DOCK4: variants seen among roughly 807,000 people sequenced by gnomAD.
DOCK4 encodes the protein dedicator of cytokinesis 4, also known as dedicator of cytokinesis protein 4.
DOCK4 carries 97 observed loss-of-function variants against 268.1 expected under a neutral mutation model. The observed-to-expected ratio is 0.36, with a 90% confidence interval of 0.31 to 0.43. The LOEUF is 0.43. Ranked by LOEUF, DOCK4 falls within the 20% of genes least tolerant of loss-of-function variation. The pLI is 1.00. For missense variants in DOCK4, 2,145 were observed against 2,455.7 expected (o/e 0.87, Z 2.67); for synonymous variants, 954 against 887.2 (o/e 1.08, Z -1.34).
chr7:111,743,243 T>C (rs567067798), intron 44 of DOCK4, among the ~76,000 whole-genome samples: 1 of 152,288 alleles, frequency 6.6e-6, no homozygotes, highest in South Asian at 2.1e-4. Flanking sequence ...ACAAATTCCA[T>C]AGACTGGGAG....
At position 111,961,475 on chromosome 7, in the gene DOCK4, C is replaced by G. The variant is rs532798711; in HGVS notation, c.701+15657G>C. 3.9e-5 allele frequency among the ~76,000 whole-genome samples: 6 copies of G among 152,314 alleles called. No homozygotes were observed. In the East Asian group the frequency reaches 1.2e-3, roughly 29 times the overall value. ...TGAATGGGTAGAGGTGATGTGCATT[C>G]TTACAACTGGAATTCCCTCACCTTT... is the stretch of plus-strand genomic sequence containing the variant. On this transcript the variant is annotated intron_variant, in intron 8 of 52. Coordinates refer to ENST00000428084, the MANE Select transcript of DOCK4 (RefSeq NM_001363540.2).
At chr7:111,826,213 A>C (rs1436992241) in intron 26 of DOCK4, among the ~76,000 whole-genome samples, 2 of 152,244 alleles carry the variant, frequency 1.3e-5, no homozygotes, top group Non-Finnish European at 2.9e-5. Flanking sequence ...CAACACCTGT[A>C]GGCCTCAGAA....
intron 1 of DOCK4, among the ~76,000 whole-genome samples, chr7:112,120,365 T>A (rs1320336456): frequency 1.3e-5 from 2 of 152,204 alleles, no homozygotes; most frequent in African/African-American, 4.8e-5. Flanking sequence ...AATAATGTTG[T>A]AATGCCATGA....
intron 1 of DOCK4, among the ~76,000 whole-genome samples, chr7:112,044,676 C>G (rs373014600): frequency 6.6e-6 from 1 of 152,144 alleles, no homozygotes; most frequent in Admixed American, 6.5e-5. Flanking sequence ...GATCCCACCA[C>G]GTTCTTACTC....
At chr7:111,830,891 T>C (rs1720470083) in intron 26 of DOCK4, among the ~76,000 whole-genome samples, 1 of 152,050 alleles carries the variant, frequency 6.6e-6, no homozygotes, top group South Asian at 2.1e-4. Flanking sequence ...TAGGGAACCT[T>C]TCATGATGGT....
intron 1 of DOCK4, among the ~76,000 whole-genome samples, chr7:112,080,227 T>C (rs1482258158): frequency 6.6e-6 from 1 of 152,162 alleles, no homozygotes; most frequent in East Asian, 1.9e-4. Context: ...TTAGATTAAA[T>C]AATGAATGAG....
At chr7:112,126,996 G>T (rs1481440187) in intron 1 of DOCK4, among the ~76,000 whole-genome samples, 1 of 152,122 alleles carries the variant, frequency 6.6e-6, no homozygotes, top group Non-Finnish European at 1.5e-5. Flanking sequence ...GTGGAAGTCA[G>T]TGTGGCCACT....
chr7:111,912,571 T>C (rs1046697179), intron 13 of DOCK4, among the ~76,000 whole-genome samples: 1 of 151,664 alleles, frequency 6.6e-6, no homozygotes, highest in Non-Finnish European at 1.5e-5. Context: ...CTTAGTCCTA[T>C]TCTGAGGAGG....
intron 36 of DOCK4, among the ~76,000 whole-genome samples, chr7:111,772,616 T>C (rs546358456): frequency 2.0e-3 from 309 of 152,088 alleles, no homozygotes; most frequent in Non-Finnish European, 3.5e-3. Context: ...GCTGACATAG[T>C]GAAACCCTGT....
chr7:112,004,908 G>A (rs541788670), intron 1 of DOCK4, among the ~76,000 whole-genome samples: 1 of 152,298 alleles, frequency 6.6e-6, no homozygotes, highest in East Asian at 1.9e-4. Flanking sequence ...TCCATACGGA[G>A]AAAGTACGCA....
intron 35 of DOCK4, among the ~76,000 whole-genome samples, chr7:111,780,117 G>A (rs1359638272): frequency 1.3e-5 from 2 of 152,290 alleles, no homozygotes; most frequent in South Asian, 2.1e-4. Flanking sequence ...AGCAAATGTG[G>A]CTGTTGAAAT....
intron 8 of DOCK4, among the ~76,000 whole-genome samples, chr7:111,975,945 T>A (rs1798121725): frequency 6.6e-6 from 1 of 150,546 alleles, no homozygotes; most frequent in Non-Finnish European, 1.5e-5. Context: ...AGGCGGATCA[T>A]CTGAGGTCAG....
chr7:111,846,315 TG>T (rs1804097957), intron 24 of DOCK4, among the ~76,000 whole-genome samples: 1 of 152,218 alleles, frequency 6.6e-6, no homozygotes, highest in Non-Finnish European at 1.5e-5. Context: ...TTGGCAGAAG[TG>T]GAACAGGATA....
At chr7:112,144,830 G>A (rs1815294100) in intron 1 of DOCK4, among the ~76,000 whole-genome samples, 1 of 152,130 alleles carries the variant, frequency 6.6e-6, no homozygotes, top group South Asian at 2.1e-4. Flanking sequence ...TGGGATGCTT[G>A]GGAACATCAG....
At chr7:111,789,056 A>C in intron 31 of DOCK4, 1 of 392,264 alleles carries the variant, frequency 2.5e-6, no homozygotes, top group South Asian at 3.6e-5. Flanking sequence ...GGAGCTAAAA[A>C]ACTGGCAAGT....
chr7:112,079,713 T>C lies in DOCK4; in HGVS notation c.38-75582A>G, dbSNP rs1469941585. Among the ~76,000 whole-genome samples, 5 of 152,194 alleles carry C rather than the reference T, an allele frequency of 3.3e-5. No homozygotes were observed. The South Asian group carries it at 6.2e-4, about 19-fold the overall frequency. On this transcript the variant is annotated intron_variant, in intron 1 of 52. Transcript: ENST00000428084. ...GCTAATCAACTACTCTGTGCTTTAG[T>C]TTCTTATTTTGTAGAATGGAAATCA...
intron 7 of DOCK4, among the ~76,000 whole-genome samples, chr7:111,984,076 T>C (rs2135176621): frequency 6.6e-6 from 1 of 152,288 alleles, no homozygotes; most frequent in South Asian, 2.1e-4. Flanking sequence ...TTGTATTGAC[T>C]TCCTGGTGCC....
chr7:111,971,275 G>T, intron 8 of DOCK4: 1 of 158,688 alleles, frequency 6.3e-6, no homozygotes, highest in African/African-American at 2.4e-5. Context: ...GGGAATGTGA[G>T]CCAAAGATTT....
chr7:112,177,133 C>A (rs1818605303), intron 1 of DOCK4, among the ~76,000 whole-genome samples: 1 of 152,156 alleles, frequency 6.6e-6, no homozygotes, highest in African/African-American at 2.4e-5. Flanking sequence ...TCTATATGAT[C>A]CTCGCAGAGT....
Sources: allele counts gnomAD v4.1 joint callset (sites outside exome capture counted in the v4.1 genomes callset), GRCh38; gene constraint gnomAD v4.1.1; transcripts MANE v1.5; gene names NCBI Gene and HGNC (gene_info 2026-07-23, HGNC 2026-07-21).